The following A1CF variants were observed in gnomAD, a reference collection of about 807,000 sequenced individuals.
A1CF encodes APOBEC1 complementation factor.
In A1CF, 48 loss-of-function variants were observed where a neutral mutation model predicts 68.9. That is an observed-to-expected ratio of 0.70 (90% CI 0.55 to 0.89). The LOEUF is 0.89. A1CF is among the 40% of genes least tolerant of loss of function. A1CF has a pLI of 0.00. For missense variants in A1CF, 653 were observed against 718.9 expected (o/e 0.91, Z 1.05); for synonymous variants, 272 against 260.4 (o/e 1.04, Z -0.43).
Position 50,869,737 on chromosome 10 carries a change from G to A in A1CF, c.-93-5657C>T, listed in dbSNP as rs148099524. The stretch of plus-strand genomic sequence containing the variant: ...AAATATAATAAAGTAGAAAAGGCAG[G>A]TTACAAAACAGAATGTATGGTCTGA... On this transcript the variant is annotated intron_variant, in intron 1 of 12. Coordinates refer to ENST00000373997, the MANE Select transcript of A1CF (RefSeq NM_014576.4). Among the ~76,000 whole-genome samples the A allele has an allele frequency of 1.1e-3, 165 of 152,078 alleles. 1 individual carries two copies. The highest frequency in any genetic ancestry group is 3.8e-3 in the African/African-American group (159 of 41,556).
chr10:50,808,338 C>T (rs1837932403), intron 12 of A1CF, among the ~76,000 whole-genome samples: 2 of 152,156 alleles, frequency 1.3e-5, no homozygotes, highest in Non-Finnish European at 2.9e-5. Context: ...CTCACAGAAG[C>T]CAGTGGAAGT....
intron 8 of A1CF, 81 bp from the exon 9 acceptor site, chr10:50,816,360 C>T (rs1838374248): frequency 7.1e-7 from 1 of 1,415,122 alleles, no homozygotes; most frequent in Admixed American, 1.8e-5. Flanking sequence ...AACATGACTC[C>T]TTCTAAGTGT....
intron 6 of A1CF, among the ~76,000 whole-genome samples, chr10:50,831,717 A>G (rs1365896489): frequency 6.6e-6 from 1 of 152,242 alleles, no homozygotes; most frequent in East Asian, 1.9e-4. Flanking sequence ...AATAAGAGTG[A>G]AACTCCGTCT....
intron 3 of A1CF, among the ~76,000 whole-genome samples, chr10:50,849,916 C>A (rs1161075553): frequency 2.0e-5 from 3 of 151,378 alleles, no homozygotes; most frequent in Non-Finnish European, 4.4e-5. Flanking sequence ...GCCTCTGCCT[C>A]CCCAGTAGCT....
intron 11 of A1CF, among the ~76,000 whole-genome samples, chr10:50,810,722 G>A (rs913876069): frequency 3.3e-5 from 5 of 152,152 alleles, no homozygotes; most frequent in African/African-American, 1.2e-4. Flanking sequence ...ATGTTGGCCA[G>A]GTTGGTCTCA....
Position 50,802,564 on chromosome 10 carries a change from T to C in A1CF, c.*4165A>G, listed in dbSNP as rs1837641411. The stretch of plus-strand genomic sequence containing the variant: ...CCAAGTTTCTAGTCTAATTTTTAGA[T>C]ATATTTTCTTCCCCCTGGGAACTTT... On this transcript the variant is annotated 3_prime_UTR_variant, in exon 13 of 13. Coordinates refer to ENST00000373997, the MANE Select transcript of A1CF (RefSeq NM_014576.4). 1.3e-5 allele frequency: 2 copies of C among 152,230 alleles called. No individual in the cohort carries two copies. Among genetic ancestry groups the C allele is most frequent in the South Asian group, 4.1e-4 (2 of 4,834 alleles). 9.4% of individuals were successfully genotyped at this position (152,230 alleles called of 1,614,324 possible).
chr10:50,844,191 A>G, intron 3 of A1CF, 69 bp from the exon 4 acceptor site: 2 of 1,568,478 alleles, frequency 1.3e-6, no homozygotes, highest in Non-Finnish European at 1.7e-6. Flanking sequence ...TTCCCTGAGT[A>G]TTTTTCAAAA....
At chr10:50,838,663 G>A (rs533555469) in intron 5 of A1CF, among the ~76,000 whole-genome samples, 9 of 152,300 alleles carry the variant, frequency 5.9e-5, no homozygotes, top group Non-Finnish European at 1.0e-4. Flanking sequence ...ATCTGATGAA[G>A]TAGAAGCTGA....
intron 1 of A1CF, among the ~76,000 whole-genome samples, chr10:50,868,806 A>G (rs1841113358): frequency 6.6e-6 from 1 of 152,204 alleles, no homozygotes. Context: ...AATTAACTGT[A>G]GCAAACTTAC....
intron 3 of A1CF, among the ~76,000 whole-genome samples, chr10:50,857,562 T>C (rs1057153190): frequency 6.6e-6 from 1 of 152,178 alleles, no homozygotes; most frequent in African/African-American, 2.4e-5. Context: ...TGACTCTTAG[T>C]TCCCCCTAAG....
At chr10:50,866,924 A>C (rs1244536143) in intron 1 of A1CF, among the ~76,000 whole-genome samples, 2 of 152,140 alleles carry the variant, frequency 1.3e-5, no homozygotes, top group Admixed American at 6.6e-5. Flanking sequence ...TATGTTGCCC[A>C]GGTTGGTCTC....
At chr10:50,830,033 CT>C (rs906876182) in intron 6 of A1CF, among the ~76,000 whole-genome samples, 10 of 151,956 alleles carry the variant, frequency 6.6e-5, no homozygotes, top group East Asian at 3.9e-4. Context: ...CACCTCAATA[CT>C]TTTTTTTGGT....
intron 12 of A1CF, among the ~76,000 whole-genome samples, chr10:50,808,123 G>A (rs1301694279): frequency 6.6e-6 from 1 of 152,212 alleles, no homozygotes; most frequent in Non-Finnish European, 1.5e-5. Context: ...GCATGTGTTT[G>A]TGGCACAGAT....
chr10:50,867,680 C>G (rs370799340), intron 1 of A1CF, among the ~76,000 whole-genome samples: 1 of 151,984 alleles, frequency 6.6e-6, no homozygotes, highest in Non-Finnish European at 1.5e-5. Flanking sequence ...TAAGTTTATA[C>G]AAACAAAAGA....
At chr10:50,816,365 A>C in intron 8 of A1CF, 86 bp from the exon 9 acceptor site, 1 of 1,388,300 alleles carries the variant, frequency 7.2e-7, no homozygotes, top group Non-Finnish European at 1.0e-6. Flanking sequence ...GACTCCTTCT[A>C]AGTGTTAGAC....
chr10:50,850,766 TGCCCAGACACACTGC>T (rs924358096), intron 3 of A1CF: 2 of 1,614,146 alleles, frequency 1.2e-6, no homozygotes, highest in Non-Finnish European at 1.7e-6. Context: ...TCTGGGCATG[TGCCCAGACACACTGC>T]TTCCATCTAT....
chr10:50,848,410 G>T (rs1840093081), intron 3 of A1CF, among the ~76,000 whole-genome samples: 2 of 152,126 alleles, frequency 1.3e-5, no homozygotes, highest in African/African-American at 2.4e-5. Flanking sequence ...AAATTGTGAT[G>T]ATTATTCTTC....
At chr10:50,843,861 A>T in intron 4 of A1CF, 127 bp downstream of exon 4, 1 of 1,163,268 alleles carries the variant, frequency 8.6e-7, no homozygotes, top group Non-Finnish European at 1.2e-6. Context: ...CTTTGTCTAT[A>T]ATTGAGGAAT....
rs747992813 is a variant in A1CF at position 50,859,822 on chromosome 10, C to G, written c.99+20G>C. 6.2e-7 allele frequency: 1 copy of G among 1,607,248 alleles called. No homozygotes were observed. Among genetic ancestry groups the G allele is most frequent in the South Asian group, 1.1e-5 (1 of 90,556 alleles). On this transcript the variant is annotated intron_variant, in intron 3 of 12. Coordinates refer to ENST00000373997, the MANE Select transcript of A1CF (RefSeq NM_014576.4). Reference sequence around the variant, plus strand: ...GTGCAAATTCAGTGGTGAGTCTCAGCAGATTTCACAAGTTCCTACCTGGAC... The same window carrying G: ...GTGCAAATTCAGTGGTGAGTCTCAGGAGATTTCACAAGTTCCTACCTGGAC...
Sources: gnomAD v4.1 joint callset for allele counts (sites outside exome capture counted in the v4.1 genomes callset) on GRCh38, gnomAD v4.1.1 for gene constraint, MANE v1.5 for transcripts, NCBI Gene and HGNC (gene_info 2026-07-23, HGNC 2026-07-21) for gene names.